PPEF1: variants seen among roughly 807,000 people sequenced by gnomAD.
PPEF1 encodes the protein protein phosphatase with EF-hand domain 1, also known as serine/threonine-protein phosphatase with EF-hands 1.
PPEF1 carries 12 observed loss-of-function variants against 53.3 expected under a neutral mutation model. The ratio of observed to expected loss-of-function variants is 0.23; its 90% CI spans 0.14 to 0.36. The LOEUF (loss-of-function observed/expected upper bound fraction) is 0.36. PPEF1 is among the 10% of genes least tolerant of loss of function. The pLI is 1.00. For missense variants in PPEF1, 334 were observed against 490.4 expected (o/e 0.68, Z 3.01); for synonymous variants, 165 against 176.7 (o/e 0.93, Z 0.52).
intron 6 of PPEF1, among the ~76,000 whole-genome samples, chrX:18,773,249 T>A (rs777118078): frequency 3.7e-4 from 42 of 112,606 alleles, no homozygotes; most frequent in Admixed American, 3.5e-3. Context: ...TGTTCTTTTA[T>A]TGACTATAAG....
chrX:18,775,570 G>T (rs1316067292), intron 6 of PPEF1, among the ~76,000 whole-genome samples: 2 of 112,008 alleles, frequency 1.8e-5, no homozygotes, highest in Non-Finnish European at 3.8e-5. Flanking sequence ...TTAATGCCAA[G>T]AATTAATAAG....
chrX:18,740,916 A>ATT (rs749122735), intron 3 of PPEF1, among the ~76,000 whole-genome samples: 11 of 75,177 alleles, frequency 1.5e-4, no homozygotes, highest in East Asian at 4.0e-4. Context: ...TGGGCCAACC[A>ATT]TTTTTTTTTT....
chrX:18,808,256 C>T (rs923252960), intron 12 of PPEF1, among the ~76,000 whole-genome samples: 4 of 110,378 alleles, frequency 3.6e-5, no homozygotes, highest in Middle Eastern at 4.7e-3. Flanking sequence ...TGAGCCACCA[C>T]GCCCGGCCGT....
At chrX:18,678,744 C>G (rs1276455288), upstream of PPEF1, among the ~76,000 whole-genome samples, 1 of 111,404 alleles carries the variant, frequency 9.0e-6, no homozygotes, top group Non-Finnish European at 1.9e-5. Context: ...GCGGACCTCT[C>G]GCGATGTTTA....
chrX:18,778,861 C>A, intron 6 of PPEF1, 149 bp from the exon 7 acceptor site: 1 of 557,087 alleles, frequency 1.8e-6, no homozygotes, highest in Non-Finnish European at 2.8e-6. Context: ...AAGAGTAAAA[C>A]TGGCTCAAGC....
rs1294383118 is a variant in PPEF1 at position 18,749,913 on chromosome X, G to A, written c.357G>A (p.Thr119=). ...GGCTACAATTTCCTCTCACTTGTACGGATATTGATTTACTTCTTGAGGCCT... is the reference window on the plus strand; with the variant it reads ...GGCTACAATTTCCTCTCACTTGTACAGATATTGATTTACTTCTTGAGGCCT... ...GPRLQFPLTC[T]DIDLLLEAFK... is the part of the protein sequence containing the mutation. Residue 119 remains threonine, a synonymous_variant, in exon 4 of 16, where the codon ACG becomes ACA. Transcript: ENST00000470157. 2.5e-6 allele frequency: 3 copies of A among 1,206,603 alleles called. No individual in the cohort carries two copies. Among genetic ancestry groups the A allele is most frequent in the South Asian group, 1.8e-5 (1 of 56,715 alleles).
At chrX:18,687,353 T>C (rs1356504572) in intron 3 of PPEF1, among the ~76,000 whole-genome samples, 1 of 111,489 alleles carries the variant, frequency 9.0e-6, no homozygotes, top group Non-Finnish European at 1.9e-5. Flanking sequence ...ACCCATTCAT[T>C]CGTTACGTCA....
At chrX:18,679,642 CT>C (rs1928803989), upstream of PPEF1, among the ~76,000 whole-genome samples, 1 of 111,551 alleles carries the variant, frequency 9.0e-6, no homozygotes. Context: ...CCTTTCCCCC[CT>C]ACAGACTATT....
chrX:18,680,282 A>G (rs1928828198), upstream of PPEF1, among the ~76,000 whole-genome samples: 1 of 108,060 alleles, frequency 9.3e-6, no homozygotes, highest in Non-Finnish European at 1.9e-5. Context: ...TTGTTCTCTC[A>G]CCTTGCTCGG....
At chrX:18,786,734 GATCA>G in intron 9 of PPEF1, among the ~76,000 whole-genome samples, 1 of 90,219 alleles carries the variant, frequency 1.1e-5, no homozygotes, top group East Asian at 3.6e-4. Flanking sequence ...AGTGAGCCAA[GATCA>G]AGCCACTGCA....
upstream of PPEF1, among the ~76,000 whole-genome samples, chrX:18,680,429 C>CTTTTTTTTT (rs769412688): frequency 2.0e-4 from 16 of 78,671 alleles, no homozygotes; most frequent in Admixed American, 7.4e-4. Context: ...AATTTCTTCT[C>CTTTTTTTTT]TTTTTTTTTT....
At chrX:18,740,478 C>T (rs1055475151) in intron 3 of PPEF1, among the ~76,000 whole-genome samples, 7 of 107,516 alleles carry the variant, frequency 6.5e-5, no homozygotes, top group Non-Finnish European at 1.2e-4. Flanking sequence ...GGCACGGTCT[C>T]GGCTCACTGC....
rs746230478 is a variant in PPEF1 at position 18,777,769 on chromosome X, A to G, written c.559-1241A>G. Among the ~76,000 whole-genome samples, 51 of 101,552 alleles carry G rather than the reference A, an allele frequency of 5.0e-4. 1 individual carries two copies. Among genetic ancestry groups the G allele is most frequent in the African/African-American group, 1.7e-3 (47 of 27,179 alleles). 88.2% of individuals were successfully genotyped at this position (101,552 alleles called of 115,157 possible). On this transcript the variant is annotated intron_variant, in intron 6 of 15. Transcript: ENST00000470157. ...TCTTTTCTTTCTTTTTTTTTTAGACATAGTCTTTCTCTGTTGCCCAGGCTG... is the reference window on the plus strand; with the variant it reads ...TCTTTTCTTTCTTTTTTTTTTAGACGTAGTCTTTCTCTGTTGCCCAGGCTG...
chrX:18,680,429 C>CTTTTTTT (rs769412688), upstream of PPEF1, among the ~76,000 whole-genome samples: 7 of 78,696 alleles, frequency 8.9e-5, no homozygotes, highest in East Asian at 4.0e-4. Context: ...AATTTCTTCT[C>CTTTTTTT]TTTTTTTTTT....
Position 18,743,446 on chromosome X carries a change from C to CTTT in PPEF1, c.236-6327_236-6325dup, listed in dbSNP as rs72264344. Among the ~76,000 whole-genome samples the CTTT allele has an allele frequency of 3.2e-4, 19 of 59,318 alleles. 1 individual carries two copies. The highest frequency in any genetic ancestry group is 7.9e-4 in the South Asian group (1 of 1,271). 51.5% of individuals were successfully genotyped at this position (59,318 alleles called of 115,157 possible). On this transcript the variant is annotated intron_variant, in intron 3 of 15. Transcript: ENST00000470157. ...TTTTTCTTTTCTTTTTTCTCTTTTT[C>CTTT]TTTTTTTTTTTTTTTTTTTTTGAGA...
At chrX:18,790,466 T>G (rs940570441) in intron 10 of PPEF1, among the ~76,000 whole-genome samples, 4 of 111,560 alleles carry the variant, frequency 3.6e-5, no homozygotes, top group Admixed American at 2.9e-4. Context: ...TGATGCCCAG[T>G]CAAAATGATA....
chrX:18,800,829 C>A (rs1352751645), intron 10 of PPEF1, among the ~76,000 whole-genome samples: 1 of 111,469 alleles, frequency 9.0e-6, no homozygotes, highest in Non-Finnish European at 1.9e-5. Context: ...TGGAACCAAT[C>A]CACCTTGGAT....
chrX:18,794,897 C>G (rs2046400256), intron 10 of PPEF1, among the ~76,000 whole-genome samples: 1 of 112,647 alleles, frequency 8.9e-6, no homozygotes, highest in Non-Finnish European at 1.9e-5. Flanking sequence ...GATCATGGCT[C>G]AAATGCCACA....
chrX:18,754,918 A>G (rs979955496), intron 4 of PPEF1, among the ~76,000 whole-genome samples: 8 of 111,824 alleles, frequency 7.2e-5, no homozygotes, highest in South Asian at 7.4e-4. Context: ...TTCATATGCA[A>G]TTTCCAGAAC....
Sources: allele counts gnomAD v4.1 joint callset (sites outside exome capture counted in the v4.1 genomes callset), GRCh38; gene constraint gnomAD v4.1.1; transcripts MANE v1.5; gene names NCBI Gene and HGNC (gene_info 2026-07-23, HGNC 2026-07-21).